Variants in PMEPA1 observed in about 807,000 individuals in gnomAD.
The protein encoded by PMEPA1 is prostate transmembrane protein, androgen induced 1.
In PMEPA1, 11 loss-of-function variants were observed where a neutral mutation model predicts 23.0. That is an observed-to-expected ratio of 0.48 (90% CI 0.30 to 0.79). PMEPA1 has a LOEUF of 0.79. PMEPA1 is among the 30% of genes least tolerant of loss of function. The pLI is 0.06. For synonymous variants in PMEPA1, 204 were observed against 166.4 expected (o/e 1.23, Z -1.74); for missense variants, 377 against 390.9 (o/e 0.96, Z 0.30).
intron 1 of PMEPA1, among the ~76,000 whole-genome samples, chr20:57,675,079 G>T (rs2071618085): frequency 6.6e-6 from 1 of 152,210 alleles, no homozygotes; most frequent in Non-Finnish European, 1.5e-5. Context: ...TTCCCAGGAA[G>T]TACGCTTGTC....
chr20:57,690,414 G>C, intron 1 of PMEPA1: 2 of 1,302,778 alleles, frequency 1.5e-6, no homozygotes, highest in Non-Finnish European at 2.0e-6. Context: ...TGGAATTGCA[G>C]GCATTTTGAC....
chr20:57,690,529 AAAG>A (rs769068592), intron 1 of PMEPA1: 3 of 1,297,788 alleles, frequency 2.3e-6, no homozygotes, highest in African/African-American at 1.5e-5. Flanking sequence ...GTGAAGCAAA[AAAG>A]AAGGATTAAT....
Position 57,709,762 on chromosome 20 carries a change from G to C in PMEPA1, c.-180C>G, listed in dbSNP as rs1642541259. 1 of 980,820 alleles carries C rather than the reference G, an allele frequency of 1.0e-6. No individual in the cohort carries two copies. Among genetic ancestry groups the C allele is most frequent in the African/African-American group, 1.8e-5 (1 of 56,718 alleles). The allele number at this position is 980,820 out of a possible 1,614,324, so 60.8% of individuals were successfully genotyped here. A position where few individuals can be genotyped will look rare whatever the true frequency, so the allele number is the denominator to read the frequency against. On this transcript the variant is annotated 5_prime_UTR_variant, in exon 1 of 4. Transcript: ENST00000341744. ...GGGGCGCCGCGGGGCTCAGTGCGCG[G>C]GACCGCGCTCCGCTGCGCCCCCCCG...
chr20:57,678,079 T>C (rs902147643), intron 1 of PMEPA1, among the ~76,000 whole-genome samples: 35 of 152,220 alleles, frequency 2.3e-4, no homozygotes, highest in African/African-American at 8.2e-4. Flanking sequence ...AATGAGATGT[T>C]CTTGTGATGG....
chr20:57,669,445 GC>G (rs1275307431), intron 1 of PMEPA1, among the ~76,000 whole-genome samples: 1 of 152,204 alleles, frequency 6.6e-6, no homozygotes, highest in Non-Finnish European at 1.5e-5. Context: ...ACAGGCGTGA[GC>G]CACCGCACCC....
chr20:57,660,684 A>G (rs1162599848), intron 1 of PMEPA1, among the ~76,000 whole-genome samples: 1 of 135,256 alleles, frequency 7.4e-6, no homozygotes, highest in Non-Finnish European at 1.5e-5. Context: ...ACACCAACAC[A>G]TGACCCAACA....
In PMEPA1 at chr20:57,683,339, C is replaced by A. The variant is rs2071746390; in HGVS notation, c.110-23642G>T. On this transcript the variant is annotated intron_variant, in intron 1 of 3. Coordinates refer to ENST00000341744, the MANE Select transcript of PMEPA1 (RefSeq NM_020182.5). The surrounding 1 kb of genome is among the most constrained non-coding windows in gnomAD (Gnocchi z 4.3). Reference sequence around the variant, plus strand: ...CATTCAGTTCTCTATGCCATGCTGGCCTGGTGACTTGGGTTAATATAATCA... The same window carrying A: ...CATTCAGTTCTCTATGCCATGCTGGACTGGTGACTTGGGTTAATATAATCA... 6.6e-6 allele frequency among the ~76,000 whole-genome samples: 1 copy of A among 152,156 alleles called. No homozygotes were observed. Among genetic ancestry groups the A allele is most frequent in the Non-Finnish European group, 1.5e-5 (1 of 68,038 alleles).
In PMEPA1 at chr20:57,651,789, AT is replaced by A. The variant is rs576943081; in HGVS notation, c.*263del. The A allele has an allele frequency of 2.2e-5, 7 of 323,246 alleles. No homozygotes were observed. Among genetic ancestry groups the A allele is most frequent in the East Asian group, 4.8e-5 (1 of 20,850 alleles). 20.0% of individuals were successfully genotyped at this position (323,246 alleles called of 1,614,324 possible). A position where few individuals can be genotyped will look rare whatever the true frequency, so the allele number is the denominator to read the frequency against. ...AGAAACAAGAAAGACTACTGTAGAA[AT>A]TTTTTTTCTTTTGCCTTCAAGACAC... On this transcript the variant is annotated 3_prime_UTR_variant, in exon 4 of 4. Coordinates refer to ENST00000341744, the MANE Select transcript of PMEPA1 (RefSeq NM_020182.5).
At chr20:57,675,504 C>T (rs1162896921) in intron 1 of PMEPA1, among the ~76,000 whole-genome samples, 1 of 152,264 alleles carries the variant, frequency 6.6e-6, no homozygotes, top group African/African-American at 2.4e-5. Flanking sequence ...GGCTCATCAC[C>T]TTCATGTGGG....
At chr20:57,692,594 C>T (rs902009838) in intron 1 of PMEPA1, among the ~76,000 whole-genome samples, 1 of 152,244 alleles carries the variant, frequency 6.6e-6, no homozygotes, top group Non-Finnish European at 1.5e-5. Context: ...CTTTTGGCCC[C>T]AGGAGGATTC....
Position 57,699,504 on chromosome 20 carries a change from G to T in PMEPA1, c.109+9970C>A, listed in dbSNP as rs116325081. Reference sequence around the variant, plus strand: ...GAAAGCGGCTGAGCTATGTTAAAGAGCCCCAGGACCCCGCCACAGTCTCTC... The same window carrying T: ...GAAAGCGGCTGAGCTATGTTAAAGATCCCCAGGACCCCGCCACAGTCTCTC... On this transcript the variant is annotated intron_variant, in intron 1 of 3. Coordinates refer to ENST00000341744, the MANE Select transcript of PMEPA1 (RefSeq NM_020182.5). Among the ~76,000 whole-genome samples, 639 of 152,274 alleles carry T rather than the reference G, an allele frequency of 4.2e-3. 6 individuals carry two copies. The highest frequency in any genetic ancestry group is 0.015 in the African/African-American group (606 of 41,554).
rs752300906 is a variant in PMEPA1 at position 57,709,616 on chromosome 20, G to A, written c.-34C>T. The A allele has an allele frequency of 9.9e-4, 972 of 985,166 alleles. 25 individuals are homozygous for A. Among genetic ancestry groups the A allele is most frequent in the Non-Finnish European group, 1.0e-4 (82 of 822,630 alleles). 61.0% of individuals were successfully genotyped at this position (985,166 alleles called of 1,614,324 possible). A position where few individuals can be genotyped will look rare whatever the true frequency, so the allele number is the denominator to read the frequency against. ...CGGCGGCGCGGCGCGGGGCGCGGGGGGCTCGGGGGCGGCCGGGGGGGGCTC... is the reference window on the plus strand; with the variant it reads ...CGGCGGCGCGGCGCGGGGCGCGGGGAGCTCGGGGGCGGCCGGGGGGGGCTC... On this transcript the variant is annotated 5_prime_UTR_variant, in exon 1 of 4. Transcript: ENST00000341744.
chr20:57,663,186 A>G (rs1296819605), intron 1 of PMEPA1, among the ~76,000 whole-genome samples: 1 of 152,236 alleles, frequency 6.6e-6, no homozygotes, highest in African/African-American at 2.4e-5. Flanking sequence ...AAAACTCTCT[A>G]GAAAAGAGAA....
At chr20:57,696,158 G>A (rs1265421336) in intron 1 of PMEPA1, among the ~76,000 whole-genome samples, 1 of 152,160 alleles carries the variant, frequency 6.6e-6, no homozygotes, top group African/African-American at 2.4e-5. Flanking sequence ...GTGTGTGGAG[G>A]ATGGGAGGAG....
chr20:57,652,692 T>G lies in PMEPA1; in HGVS notation c.319-94A>C. Reference sequence around the variant, plus strand: ...GACTGGAGTTCTGCTGCATGGGACTTGGCTCTCTGGGGAAAGGGAGAGGGC... The same window carrying G: ...GACTGGAGTTCTGCTGCATGGGACTGGGCTCTCTGGGGAAAGGGAGAGGGC... On this transcript the variant is annotated intron_variant, in intron 3 of 3. Transcript: ENST00000341744. The surrounding 1 kb of genome is among the most constrained non-coding windows in gnomAD (Gnocchi z 6.1). 1 of 1,120,702 alleles carries G rather than the reference T, an allele frequency of 8.9e-7. No individual in the cohort carries two copies. The highest frequency in any genetic ancestry group is 1.2e-6 in the Non-Finnish European group (1 of 812,344). 69.4% of individuals were successfully genotyped at this position (1,120,702 alleles called of 1,614,324 possible). A position where few individuals can be genotyped will look rare whatever the true frequency, so the allele number is the denominator to read the frequency against.
chr20:57,680,110 G>A (rs1244109580), intron 1 of PMEPA1, among the ~76,000 whole-genome samples: 1 of 152,206 alleles, frequency 6.6e-6, no homozygotes, highest in African/African-American at 2.4e-5. Context: ...AACCGTCGGG[G>A]GATGAGTGGA....
intron 1 of PMEPA1, among the ~76,000 whole-genome samples, chr20:57,675,727 C>A (rs1009844323): frequency 6.6e-6 from 1 of 152,156 alleles, no homozygotes; most frequent in Non-Finnish European, 1.5e-5. Flanking sequence ...GGGCAGCAAA[C>A]GTGTCCAAGG....
intron 1 of PMEPA1, among the ~76,000 whole-genome samples, chr20:57,689,112 C>T (rs557701815): frequency 1.6e-4 from 25 of 152,214 alleles, no homozygotes; most frequent in African/African-American, 6.0e-4. Flanking sequence ...TTTCAAAACG[C>T]GTTTCTGTTT....
rs2071207335 is a variant in PMEPA1 at position 57,650,334 on chromosome 20, G to C, written c.*1719C>G. The C allele has an allele frequency of 6.6e-6, 1 of 152,242 alleles. No homozygotes were observed. 9.4% of individuals were successfully genotyped at this position (152,242 alleles called of 1,614,324 possible). ...ATGGGAAGGGAGGGGGTAGCAGCTG[G>C]GAGTCTGCTCTTCCAGCTGGGGGCC... On this transcript the variant is annotated 3_prime_UTR_variant, in exon 4 of 4. Coordinates refer to ENST00000341744, the MANE Select transcript of PMEPA1 (RefSeq NM_020182.5).
Sources: gnomAD v4.1 joint callset for allele counts (sites outside exome capture counted in the v4.1 genomes callset) on GRCh38, gnomAD v4.1.1 for gene constraint, Gnocchi (gnomAD v3.1) non-coding constraint, MANE v1.5 for transcripts, NCBI Gene and HGNC (gene_info 2026-07-23, HGNC 2026-07-21) for gene names.